GRM8: variants seen among roughly 807,000 people sequenced by gnomAD.
GRM8 encodes glutamate metabotropic receptor 8, also known as metabotropic glutamate receptor 8.
In GRM8, 47 loss-of-function variants were observed where a neutral mutation model predicts 87.2. That is an observed-to-expected ratio of 0.54 (90% confidence interval 0.43 to 0.69). The LOEUF (loss-of-function observed/expected upper bound fraction) is 0.69. GRM8 is among the 30% of genes least tolerant of loss of function. The pLI is 0.00. For missense variants in GRM8, 1,019 were observed against 1,139.2 expected (o/e 0.89, Z 1.52); for synonymous variants, 396 against 404.5 (o/e 0.98, Z 0.25).
At chr7:126,529,169 G>C (rs1235576655) in intron 9 of GRM8, among the ~76,000 whole-genome samples, 1 of 151,894 alleles carries the variant, frequency 6.6e-6, no homozygotes, top group Admixed American at 6.6e-5. Flanking sequence ...TCATTAAATG[G>C]GAAACCATTT....
chr7:127,145,088 G>A (rs1265637814), intron 2 of GRM8, among the ~76,000 whole-genome samples: 1 of 152,070 alleles, frequency 6.6e-6, no homozygotes, highest in Non-Finnish European at 1.5e-5. Context: ...ACACACAAAT[G>A]TACTCAATTA....
chr7:127,146,441 G>GA (rs1262203740), intron 2 of GRM8, among the ~76,000 whole-genome samples: 23 of 151,998 alleles, frequency 1.5e-4, no homozygotes, highest in Non-Finnish European at 2.9e-4. Context: ...GTGAGCCTCA[G>GA]AAAAAACAGT....
At position 127,243,184 on chromosome 7, in the gene GRM8, T is replaced by G. The variant is rs746918415; in HGVS notation, c.21A>C (p.Arg7=). The stretch of plus-strand genomic sequence containing the variant: ...GGAAGAAACAAGGGCAAGAGGCTGA[T>G]CGCTTTCCCTCGCATACCATTTTCT... MVCEGK[R]SASCPCFFLL... is the part of the protein sequence containing the mutation. Residue 7 remains arginine (R), a synonymous_variant, in exon 2 of 11, where the codon CGA becomes CGC. Coordinates refer to ENST00000339582, the MANE Select transcript of GRM8 (RefSeq NM_000845.3). The G allele has an allele frequency of 1.9e-6, 3 of 1,608,230 alleles. No homozygotes were observed. In the South Asian group the frequency reaches 3.3e-5, roughly 18 times the overall value.
intron 2 of GRM8, among the ~76,000 whole-genome samples, chr7:127,144,037 T>C (rs2133282161): frequency 6.6e-6 from 1 of 152,240 alleles, no homozygotes; most frequent in South Asian, 2.1e-4. Flanking sequence ...CACTGCTTAT[T>C]TGCTATGTGG....
chr7:127,007,847 T>C (rs550399712), intron 3 of GRM8, among the ~76,000 whole-genome samples: 1 of 152,122 alleles, frequency 6.6e-6, no homozygotes, highest in East Asian at 1.9e-4. Flanking sequence ...AGAGCTCCTG[T>C]TAAAACTCCT....
At chr7:126,944,738 T>C (rs1369907551) in intron 3 of GRM8, among the ~76,000 whole-genome samples, 1 of 152,054 alleles carries the variant, frequency 6.6e-6, no homozygotes, top group Non-Finnish European at 1.5e-5. Flanking sequence ...AAGACACAGA[T>C]AACTAGTCTC....
At chr7:127,232,836 TTTTTGTTTTTG>T (rs1797770215) in intron 2 of GRM8, among the ~76,000 whole-genome samples, 1 of 151,998 alleles carries the variant, frequency 6.6e-6, no homozygotes, top group Non-Finnish European at 1.5e-5. Flanking sequence ...TAACTGGGGT[TTTTTGTTTTTG>T]TTTTGTTTTT....
At chr7:126,825,573 A>G (rs974943004) in intron 6 of GRM8, among the ~76,000 whole-genome samples, 1 of 152,182 alleles carries the variant, frequency 6.6e-6, no homozygotes, top group African/African-American at 2.4e-5. Flanking sequence ...AGAATATTGC[A>G]AAAGGCTATG....
intron 6 of GRM8, among the ~76,000 whole-genome samples, chr7:126,792,259 C>G (rs1821430378): frequency 6.6e-6 from 1 of 152,192 alleles, no homozygotes; most frequent in Non-Finnish European, 1.5e-5. Flanking sequence ...TGCTTGTGCT[C>G]TCTTTTAACC....
At chr7:127,120,708 A>G (rs2133178020) in intron 2 of GRM8, among the ~76,000 whole-genome samples, 1 of 152,354 alleles carries the variant, frequency 6.6e-6, no homozygotes, top group Non-Finnish European at 1.5e-5. Flanking sequence ...GGATGTTGTC[A>G]TCATGAGGAG....
chr7:127,122,434 T>C (rs1827138026), intron 2 of GRM8, among the ~76,000 whole-genome samples: 1 of 151,818 alleles, frequency 6.6e-6, no homozygotes, highest in African/African-American at 2.4e-5. Flanking sequence ...AATGCTTTGC[T>C]AGAGACTGTA....
At chr7:126,982,758 A>G (rs1039891459) in intron 3 of GRM8, among the ~76,000 whole-genome samples, 2 of 152,200 alleles carry the variant, frequency 1.3e-5, no homozygotes, top group African/African-American at 4.8e-5. Context: ...GCTGGTATTG[A>G]TGACTACCTT....
intron 6 of GRM8, among the ~76,000 whole-genome samples, chr7:126,770,459 C>G (rs2151607968): frequency 6.6e-6 from 1 of 152,000 alleles, no homozygotes; most frequent in African/African-American, 2.4e-5. Flanking sequence ...TATTAGTGGC[C>G]CAAAGTAAGG....
At chr7:126,479,523 G>T (rs1203579290) in intron 9 of GRM8, among the ~76,000 whole-genome samples, 1 of 151,856 alleles carries the variant, frequency 6.6e-6, no homozygotes, top group East Asian at 1.9e-4. Flanking sequence ...TGTTTTCAAG[G>T]TTTATCCATT....
At chr7:127,067,994 T>A (rs554879024) in intron 3 of GRM8, among the ~76,000 whole-genome samples, 1 of 152,250 alleles carries the variant, frequency 6.6e-6, no homozygotes, top group Admixed American at 6.5e-5. Flanking sequence ...CTGTGCCAAA[T>A]CCCTTTAGAC....
chr7:127,143,568 C>T (rs1306110882), intron 2 of GRM8, among the ~76,000 whole-genome samples: 1 of 152,010 alleles, frequency 6.6e-6, no homozygotes, highest in African/African-American at 2.4e-5. Context: ...AGGGAGAAAT[C>T]ATTATCTGCA....
intron 2 of GRM8, among the ~76,000 whole-genome samples, chr7:127,222,692 G>A (rs1249451252): frequency 1.3e-5 from 2 of 152,300 alleles, no homozygotes; most frequent in East Asian, 1.9e-4. Flanking sequence ...GGCTATTCAT[G>A]TATAGTGCCC....
chr7:126,785,446 G>A (rs1032103753), intron 6 of GRM8, among the ~76,000 whole-genome samples: 2 of 151,970 alleles, frequency 1.3e-5, no homozygotes, highest in Admixed American at 6.6e-5. Context: ...CTTCTTACAT[G>A]GTATTAGAAC....
At chr7:126,777,424 T>G (rs1427346121) in intron 6 of GRM8, among the ~76,000 whole-genome samples, 1 of 152,136 alleles carries the variant, frequency 6.6e-6, no homozygotes, top group Non-Finnish European at 1.5e-5. Flanking sequence ...TCTACGTGAC[T>G]CAAAACCTCT....
Sources: gnomAD v4.1 joint callset for allele counts (sites outside exome capture counted in the v4.1 genomes callset) on GRCh38, gnomAD v4.1.1 for gene constraint, MANE v1.5 for transcripts, NCBI Gene and HGNC (gene_info 2026-07-23, HGNC 2026-07-21) for gene names.